Variants in ERMP1 observed in about 807,000 individuals in gnomAD.
The protein encoded by ERMP1 is endoplasmic reticulum metallopeptidase 1.
ERMP1 carries 86 observed loss-of-function variants against 92.0 expected under a neutral mutation model. That is an observed-to-expected ratio of 0.93 (90% confidence interval 0.79 to 1.12). The LOEUF is 1.12. ERMP1 is among the 50% of genes most tolerant of loss of function. The pLI is 0.00. For missense variants in ERMP1, 1,342 were observed against 1,116.3 expected (o/e 1.20, Z -2.88); for synonymous variants, 530 against 412.8 (o/e 1.28, Z -3.44).
chr9:5,830,027 T>C (rs1273322164), intron 2 of ERMP1, among the ~76,000 whole-genome samples: 1 of 152,216 alleles, frequency 6.6e-6, no homozygotes, highest in Admixed American at 6.5e-5. Context: ...CAGAGAAAGA[T>C]TTACACATTA....
intron 5 of ERMP1, among the ~76,000 whole-genome samples, chr9:5,865,881 AT>A (rs1178972708): frequency 6.6e-6 from 1 of 151,196 alleles, no homozygotes; most frequent in African/African-American, 2.4e-5. Flanking sequence ...AAATAAATAA[AT>A]AAAAAATATA....
intron 6 of ERMP1, among the ~76,000 whole-genome samples, chr9:5,843,602 CCTT>C (rs1391895873): frequency 6.6e-6 from 1 of 152,188 alleles, no homozygotes; most frequent in Non-Finnish European, 1.5e-5. Context: ...TTTCTTCTCT[CCTT>C]CTTAGTTGAG....
intron 1 of ERMP1, 67 bp downstream of exon 1, chr9:5,832,623 T>A (rs1829992890): frequency 2.4e-6 from 3 of 1,243,258 alleles, no homozygotes; most frequent in Non-Finnish European, 3.1e-6. Context: ...ACAGGTGCGG[T>A]GCCCCGGAGC....
At position 5,813,050 on chromosome 9, in the gene ERMP1, G is replaced by GACAAC; in HGVS notation, c.875-20_875-16dup. ...ATTTTCAGGACCTAAAATGAAAGAT[G>GACAAC]ACAACACAATAGAAGGTATTCCGGC... On this transcript the variant is annotated splice_polypyrimidine_tract_variant and intron_variant, in intron 4 of 14. Coordinates refer to ENST00000339450, the MANE Select transcript of ERMP1 (RefSeq NM_024896.3). 1 of 1,612,192 alleles carries GACAAC rather than the reference G, an allele frequency of 6.2e-7. No homozygotes were observed. Among genetic ancestry groups the GACAAC allele is most frequent in the Non-Finnish European group, 8.5e-7 (1 of 1,179,462 alleles).
intron 4 of ERMP1, among the ~76,000 whole-genome samples, chr9:5,817,044 G>A (rs947723883): frequency 4.6e-5 from 7 of 151,556 alleles, no homozygotes; most frequent in East Asian, 3.9e-4. Flanking sequence ...GACTACAGGC[G>A]CCTGCCAATA....
At chr9:5,829,219 C>CAAAAAAAAA (rs546458492) in intron 2 of ERMP1, among the ~76,000 whole-genome samples, 1 of 56,406 alleles carries the variant, frequency 1.8e-5, no homozygotes, top group Non-Finnish European at 4.1e-5. Context: ...GCCCCCCAGC[C>CAAAAAAAAA]AAAAAAAAAA....
rs759247426 is a variant in ERMP1, at chr9:5,787,221, C to T, written c.2638G>A (p.Asp880Asn). Residue 880 changes from aspartate to asparagine, a missense_variant, in exon 15 of 15, where the codon GAT becomes AAT. By Grantham distance (23) the Asp-to-Asn change is conservative. Coordinates refer to ENST00000339450, the MANE Select transcript of ERMP1 (RefSeq NM_024896.3). ...TCTGGGAACTTTTCCTTCAGAGCAT[C>T]CAGTTGAGGGGATCTCTTGTCTTCC... ...SGEDKRSPQL[D>N]ALKEKFPDWT... 1.4e-5 allele frequency: 22 copies of T among 1,613,938 alleles called. No individual in the cohort carries two copies. The highest frequency in any genetic ancestry group is 1.3e-5 in the Non-Finnish European group (15 of 1,179,982).
intron 6 of ERMP1, among the ~76,000 whole-genome samples, chr9:5,849,782 G>A (rs1369772255): frequency 6.6e-6 from 1 of 152,200 alleles, no homozygotes; most frequent in Admixed American, 6.5e-5. Flanking sequence ...AGAAGAGCCT[G>A]TGCTAGCAGT....
At chr9:5,812,826 G>C (rs761846972) in intron 5 of ERMP1, 63 bp downstream of exon 5, 2 of 1,572,454 alleles carry the variant, frequency 1.3e-6, no homozygotes, top group Non-Finnish European at 8.8e-7. Flanking sequence ...ATACTTTCAA[G>C]ATTTAAAATT....
Position 5,811,112 on chromosome 9 carries a change from C to G in ERMP1, c.1326G>C (p.Lys442Asn). 2 of 1,607,196 alleles carry G rather than the reference C, an allele frequency of 1.2e-6. No homozygotes were observed. The highest frequency in any genetic ancestry group is 1.7e-6 in the Non-Finnish European group (2 of 1,173,780). Reference protein sequence around the residue: ...LGKKFLQPKHKTGNYKKDFLC... With the variant: ...LGKKFLQPKHNTGNYKKDFLC... ...GTAGTTTTAGAGGAAAATACTTACT[C>G]TTATGTTTGGGCTGCAAAAATTTTT... The change falls in exon 7 of 15, where the codon AAG becomes AAC. Residue 442 changes from lysine (K) to asparagine (N), a missense_variant and splice_region_variant. Lys to Asn is a moderately conservative substitution (Grantham distance 94, BLOSUM62 0). Coordinates refer to ENST00000339450, the MANE Select transcript of ERMP1 (RefSeq NM_024896.3).
In ERMP1 at chr9:5,831,005, G is replaced by A; in HGVS notation, c.362C>T (p.Ser121Phe). 6.2e-7 allele frequency: 1 copy of A among 1,613,746 alleles called. No homozygotes were observed. The highest frequency in any genetic ancestry group is 8.5e-7 in the Non-Finnish European group (1 of 1,179,744). The stretch of plus-strand genomic sequence containing the variant: ...ACTTCCTGTAGTCCTGGGGCCAATG[G>A]AGGTTATGTGTTCAAGATAATCCCT... ...QARDYLEHIT[S>F]IGPRTTGSPE... Residue 121 changes from serine (S) to phenylalanine (F), a missense_variant, in exon 2 of 15, where the codon TCC (serine) becomes TTC (phenylalanine). Physicochemically the swap from Ser to Phe is radical, Grantham distance 155. Coordinates refer to ENST00000339450, the MANE Select transcript of ERMP1 (RefSeq NM_024896.3).
intron 6 of ERMP1, chr9:5,855,740 C>T (rs1314391746): frequency 6.4e-6 from 1 of 155,976 alleles, no homozygotes. Context: ...GGACATAGCC[C>T]CAATACTACA....
chr9:5,835,026 A>G (rs1003203288), upstream of ERMP1, among the ~76,000 whole-genome samples: 4 of 139,294 alleles, frequency 2.9e-5, no homozygotes, highest in African/African-American at 1.1e-4. Context: ...TGTGTGTGTG[A>G]AAGATCCTCA....
intron 6 of ERMP1, among the ~76,000 whole-genome samples, chr9:5,841,627 T>A (rs1830164566): frequency 6.6e-6 from 1 of 152,092 alleles, no homozygotes; most frequent in Non-Finnish European, 1.5e-5. Context: ...GTGAAACCTG[T>A]CTCCACTAAA....
chr9:5,835,837 T>C (rs1830090592), upstream of ERMP1, among the ~76,000 whole-genome samples: 1 of 152,238 alleles, frequency 6.6e-6, no homozygotes, highest in South Asian at 2.1e-4. Context: ...ACTTTGATAA[T>C]GTCTGGTCTT....
intron 6 of ERMP1, among the ~76,000 whole-genome samples, chr9:5,847,639 T>C (rs906432498): frequency 3.3e-5 from 5 of 150,996 alleles, no homozygotes; most frequent in African/African-American, 9.7e-5. Context: ...CTCACACCTG[T>C]AATCCCGGCA....
intron 6 of ERMP1, among the ~76,000 whole-genome samples, chr9:5,858,392 G>A (rs1453899598): frequency 1.3e-5 from 2 of 152,174 alleles, no homozygotes; most frequent in African/African-American, 2.4e-5. Context: ...ACGAGGACAA[G>A]CAAGACTTGG....
At chr9:5,865,842 A>G (rs1354829786) in intron 5 of ERMP1, among the ~76,000 whole-genome samples, 1 of 50,950 alleles carries the variant, frequency 2.0e-5, no homozygotes, top group South Asian at 1.0e-3. Flanking sequence ...TGTCTCAAAA[A>G]AAAAAAAAAA....
intron 10 of ERMP1, 58 bp downstream of exon 10, chr9:5,804,969 G>T: frequency 2.3e-6 from 3 of 1,329,914 alleles, no homozygotes; most frequent in Non-Finnish European, 3.1e-6. Context: ...ATCTAGTATG[G>T]CTAAATTCAT....
Sources: gnomAD v4.1 joint callset for allele counts (sites outside exome capture counted in the v4.1 genomes callset) on GRCh38, gnomAD v4.1.1 for gene constraint, MANE v1.5 for transcripts, NCBI Gene and HGNC (gene_info 2026-07-23, HGNC 2026-07-21) for gene names.